GABRR1: variants seen among roughly 807,000 people sequenced by gnomAD.
GABRR1 encodes gamma-aminobutyric acid type A receptor subunit rho1, also known as gamma-aminobutyric acid receptor subunit rho-1.
GABRR1 carries 59 observed loss-of-function variants against 55.5 expected under a neutral mutation model. That is an observed-to-expected ratio of 1.06 (90% confidence interval 0.86 to 1.32). The LOEUF (loss-of-function observed/expected upper bound fraction) is 1.32. Ranked by LOEUF, GABRR1 falls within the 40% of genes most tolerant of loss-of-function variation. GABRR1 has a pLI of 0.00. For missense variants in GABRR1, 602 were observed against 619.1 expected, an observed-to-expected ratio of 0.97 and a Z score of 0.29; for synonymous variants, 213 against 226.0, an observed-to-expected ratio of 0.94 and a Z score of 0.51.
Position 89,230,596 on chromosome 6 carries a change from C to T in GABRR1, c.-411+620G>A, listed in dbSNP as rs535230682. 2.4e-3 allele frequency among the ~76,000 whole-genome samples: 371 copies of T among 152,282 alleles called. 1 individual carries two copies. The highest frequency in any genetic ancestry group is 8.5e-3 in the African/African-American group (355 of 41,566). ...GCTCGGGGGTCAGGGGTCAGGGACC[C>T]GCTTGAGGAGGCAGTCTGCCGGTTC... On this transcript the variant is annotated intron_variant, in intron 1 of 11. Coordinates refer to the GABRR1 transcript ENST00000369451.
intron 1 of GABRR1, among the ~76,000 whole-genome samples, chr6:89,211,632 C>A (rs1199474306): frequency 6.6e-6 from 1 of 152,110 alleles, no homozygotes; most frequent in African/African-American, 2.4e-5. Flanking sequence ...ACCCTTGACA[C>A]CTTGCTAGAA....
intron 4 of GABRR1, among the ~76,000 whole-genome samples, chr6:89,198,539 T>C (rs538295842): frequency 1.3e-5 from 2 of 152,166 alleles, no homozygotes; most frequent in East Asian, 1.9e-4. Context: ...ACTGCCACCA[T>C]GTGTGACTCA....
chr6:89,214,621 A>G (rs1017651272), intron 1 of GABRR1, among the ~76,000 whole-genome samples: 2 of 152,248 alleles, frequency 1.3e-5, no homozygotes, highest in African/African-American at 4.8e-5. Context: ...AAAACAAGAC[A>G]TACAAGTGGC....
chr6:89,191,066 A>G (rs1772070560), intron 5 of GABRR1, among the ~76,000 whole-genome samples: 1 of 152,268 alleles, frequency 6.6e-6, no homozygotes, highest in Non-Finnish European at 1.5e-5. Flanking sequence ...AAATTATATG[A>G]ATAATTCATG....
intron 1 of GABRR1, among the ~76,000 whole-genome samples, chr6:89,210,091 C>G (rs4707531): frequency 0.03 from 4,539 of 151,332 alleles, 88 homozygotes; most frequent in Middle Eastern, 0.056. Flanking sequence ...GTGACCATGG[C>G]ACAAGTTTGT....
rs758117017 is a variant in GABRR1 at position 89,185,326 on chromosome 6, A to C, written c.780T>G (p.Ala260=). The C allele has an allele frequency of 6.2e-7, 1 of 1,613,998 alleles. No individual in the cohort carries two copies. Among genetic ancestry groups the C allele is most frequent in the Middle Eastern group, 1.7e-4 (1 of 6,056 alleles). The change falls in exon 7 of 10, where the codon GCT becomes GCG. Residue 260 remains alanine, a synonymous_variant. Coordinates refer to ENST00000454853, the MANE Select transcript of GABRR1 (RefSeq NM_002042.5). Reference sequence around the variant, plus strand: ...TACACTTACCTGTGCTGCTGTAGAAAGCCAGTTTGGTGGTGGTGTGGAATT... The same window carrying C: ...TACACTTACCTGTGCTGCTGTAGAACGCCAGTTTGGTGGTGGTGTGGAATT... ...IQEFHTTTKL[A]FYSSTGWYNR...
chr6:89,180,210 GAGA>G lies in GABRR1; in HGVS notation c.1146+79_1146+81del. Reference sequence around the variant, plus strand: ...GAGGGTATCATGACCTTGCTTTACAGAGAAGGTCTGCCCTGCCTGAGGTTCCAG... The same window carrying G: ...GAGGGTATCATGACCTTGCTTTACAGAGGTCTGCCCTGCCTGAGGTTCCAG... On this transcript the variant is annotated intron_variant, in intron 9 of 9. Transcript: ENST00000454853. 3.4e-6 allele frequency: 5 copies of G among 1,461,296 alleles called. No homozygotes were observed. In the South Asian group the frequency reaches 5.4e-5, roughly 16 times the overall value. 90.5% of individuals were successfully genotyped at this position (1,461,296 alleles called of 1,614,324 possible). A position where few individuals can be genotyped will look rare whatever the true frequency, so the allele number is the denominator to read the frequency against.
intron 9 of GABRR1, among the ~76,000 whole-genome samples, chr6:89,179,434 G>C (rs1771648379): frequency 6.6e-6 from 1 of 152,126 alleles, no homozygotes; most frequent in African/African-American, 2.4e-5. Flanking sequence ...TGGCCAGACT[G>C]GTCTCAAACT....
chr6:89,199,516 G>C, intron 3 of GABRR1, 87 bp from the exon 4 acceptor site: 2 of 1,219,308 alleles, frequency 1.6e-6, no homozygotes, highest in Non-Finnish European at 2.4e-6. Context: ...ATTTCCCCTG[G>C]AACCTCAATG....
intron 1 of GABRR1, among the ~76,000 whole-genome samples, chr6:89,207,124 C>T (rs9444675): frequency 0.34 from 51,710 of 152,034 alleles, 9,449 homozygotes; most frequent in African/African-American, 0.45. Flanking sequence ...CCAGTTGCAT[C>T]CTGAGCTAGG....
intron 1 of GABRR1, among the ~76,000 whole-genome samples, chr6:89,214,586 T>G (rs528619356): frequency 6.6e-6 from 1 of 152,148 alleles, no homozygotes; most frequent in South Asian, 2.1e-4. Context: ...TAAAAATGGG[T>G]AAAGGACTTG....
intron 1 of GABRR1, among the ~76,000 whole-genome samples, chr6:89,214,860 A>G (rs1772938706): frequency 1.3e-5 from 2 of 152,142 alleles, no homozygotes; most frequent in Non-Finnish European, 2.9e-5. Flanking sequence ...CCCTGTCTAT[A>G]GAAAAAAAAA....
In GABRR1 at chr6:89,177,932, T is replaced by G. The variant is rs528546520; in HGVS notation, c.*838A>C. ...AGAAATCATTCTCTACCCAAGTTCC[T>G]CAGTGAAGATATCACATCACTGAGA... On this transcript the variant is annotated 3_prime_UTR_variant, in exon 10 of 10. Transcript: ENST00000454853. 5 of 152,336 alleles carry G rather than the reference T, an allele frequency of 3.3e-5. No homozygotes were observed. The South Asian group carries it at 1.0e-3, about 32-fold the overall frequency. 9.4% of individuals were successfully genotyped at this position (152,336 alleles called of 1,614,324 possible).
intron 1 of GABRR1, among the ~76,000 whole-genome samples, chr6:89,230,680 G>A (rs866152699): frequency 5.9e-4 from 89 of 151,528 alleles, no homozygotes; most frequent in Admixed American, 2.0e-3. Context: ...GTCAGACAGG[G>A]ACATTTAAGT....
upstream of GABRR1, among the ~76,000 whole-genome samples, chr6:89,218,647 A>G (rs567337357): frequency 2.0e-5 from 3 of 152,366 alleles, no homozygotes; most frequent in African/African-American, 7.2e-5. Flanking sequence ...AACTGGAAGC[A>G]TCAATTATGC....
intron 1 of GABRR1, among the ~76,000 whole-genome samples, chr6:89,223,819 A>G (rs542615663): frequency 6.7e-6 from 1 of 150,138 alleles, no homozygotes; most frequent in Non-Finnish European, 1.5e-5. Flanking sequence ...GCTGGAGTGC[A>G]ATGGCACCAT....
At chr6:89,187,540 G>A (rs781207340) in intron 6 of GABRR1, among the ~76,000 whole-genome samples, 1 of 151,994 alleles carries the variant, frequency 6.6e-6, no homozygotes, top group Non-Finnish European at 1.5e-5. Flanking sequence ...CCAGTATGAT[G>A]GTCATACCAC....
intron 5 of GABRR1, among the ~76,000 whole-genome samples, chr6:89,192,523 C>T (rs912542190): frequency 1.3e-5 from 2 of 151,846 alleles, no homozygotes; most frequent in African/African-American, 2.4e-5. Flanking sequence ...TCCTTTCTCC[C>T]GCTGTCATTG....
At chr6:89,207,239 G>A (rs563499062) in intron 1 of GABRR1, among the ~76,000 whole-genome samples, 2 of 151,856 alleles carry the variant, frequency 1.3e-5, no homozygotes, top group Non-Finnish European at 2.9e-5. Flanking sequence ...CTGTTGTCCA[G>A]GCTACAATGC....
Sources: gnomAD v4.1 joint callset for allele counts (sites outside exome capture counted in the v4.1 genomes callset) on GRCh38, gnomAD v4.1.1 for gene constraint, MANE v1.5 for transcripts, NCBI Gene and HGNC (gene_info 2026-07-23, HGNC 2026-07-21) for gene names.